Variants in GALNT9 observed in about 807,000 individuals in gnomAD.
GALNT9 encodes polypeptide N-acetylgalactosaminyltransferase 9.
Under a neutral mutation model 63.1 loss-of-function variants are expected in GALNT9, and 47 were observed. The observed-to-expected ratio is 0.75, with a 90% CI of 0.59 to 0.95. GALNT9 has a LOEUF of 0.95. GALNT9 is among the 40% of genes least tolerant of loss of function. The pLI is 0.00. For missense variants in GALNT9, 829 were observed against 874.8 expected, an observed-to-expected ratio of 0.95 and a Z score of 0.66; for synonymous variants, 396 against 365.7, an observed-to-expected ratio of 1.08 and a Z score of -0.94.
Position 132,199,265 on chromosome 12 carries a change from C to T in GALNT9, c.1406G>A (p.Arg469Lys), listed in dbSNP as rs535700131. 9.4e-6 allele frequency: 15 copies of T among 1,601,750 alleles called. No individual in the cohort carries two copies. The South Asian group carries it at 1.6e-4, about 18-fold the overall frequency. ...ACAGTAGGCACTGGCTTTGCTGTTTCTCACCTGCAAGCAGAAGCCCCAGGA... is the reference window on the plus strand; with the variant it reads ...ACAGTAGGCACTGGCTTTGCTGTTTTTCACCTGCAAGCAGAAGCCCCAGGA... ...YNNTLTYGEV[R>K]NSKASAYCLD... Residue 469 changes from arginine (R) to lysine (K), a missense_variant, in exon 9 of 11, where the codon AGA becomes AAA. Transcript: ENST00000328957.
chr12:132,207,620 G>A (rs4077838), intron 6 of GALNT9, among the ~76,000 whole-genome samples: 73,896 of 151,996 alleles, frequency 0.49, 18,743 homozygotes, highest in Non-Finnish European at 0.56. Flanking sequence ...CCGAAGCTAC[G>A]GGAGAGGCGA....
At chr12:132,223,100 TACACAACTCGCACCCCAGACACCCCACAC>T (rs1877531837) in intron 6 of GALNT9, among the ~76,000 whole-genome samples, 1 of 22,206 alleles carries the variant, frequency 4.5e-5, no homozygotes. Context: ...CCCCACACCC[TACACAACTCGCACCCCAGACACCCCACAC>T]ACACCCCACA....
chr12:132,263,862 ACAGTGGTGGACTC>A lies in GALNT9; in HGVS notation c.420-1250_420-1238del, dbSNP rs556123877. Reference sequence around the variant, plus strand: ...GGAGGAAGCTGCTGGCCTCTGGGGGACAGTGGTGGACTCCACCCTTCTTTCTCCCTCCATCACT... The same window carrying A: ...GGAGGAAGCTGCTGGCCTCTGGGGGACACCCTTCTTTCTCCCTCCATCACT... On this transcript the variant is annotated intron_variant, in intron 2 of 10. Transcript: ENST00000328957. Among the ~76,000 whole-genome samples the A allele has an allele frequency of 5.0e-3, 765 of 152,200 alleles. 11 individuals carry two copies. The highest frequency in any genetic ancestry group is 0.018 in the African/African-American group (728 of 41,526).
Position 132,196,775 on chromosome 12 carries a change from G to C in GALNT9, c.*332C>G, listed in dbSNP as rs897346855. 9.2e-7 allele frequency: 1 copy of C among 1,087,556 alleles called. No individual in the cohort carries two copies. Among genetic ancestry groups the C allele is most frequent in the African/African-American group, 1.7e-5 (1 of 60,086 alleles). 67.4% of individuals were successfully genotyped at this position (1,087,556 alleles called of 1,614,324 possible). A position where few individuals can be genotyped will look rare whatever the true frequency, so the allele number is the denominator to read the frequency against. ...TGGTCCGGGGCTTGGCCTCCCTATG[G>C]GGCGTGGGGGGCTGTGGTACATGCA... On this transcript the variant is annotated 3_prime_UTR_variant, in exon 11 of 11. Coordinates refer to ENST00000328957, the MANE Select transcript of GALNT9 (RefSeq NM_001122636.2).
chr12:132,229,881 C>T (rs1208435731), intron 6 of GALNT9, among the ~76,000 whole-genome samples: 3 of 152,228 alleles, frequency 2.0e-5, no homozygotes, highest in Non-Finnish European at 4.4e-5. Flanking sequence ...CCCAAGGTCA[C>T]CGTCCGTCGG....
intron 6 of GALNT9, among the ~76,000 whole-genome samples, chr12:132,241,650 C>A (rs1555237180): frequency 1.1e-5 from 1 of 93,724 alleles, no homozygotes. Context: ...ATACCCATTA[C>A]ACACACGCCA....
chr12:132,321,771 CCACACACCTGTCCCCT>C (rs373006944), intron 1 of GALNT9, among the ~76,000 whole-genome samples: 41 of 152,060 alleles, frequency 2.7e-4, no homozygotes, highest in African/African-American at 3.6e-4. Flanking sequence ...AGGCTCCACC[CCACACACCTGTCCCCT>C]CACACACCTG....
At chr12:132,288,038 A>G (rs1880672763) in intron 1 of GALNT9, among the ~76,000 whole-genome samples, 1 of 152,194 alleles carries the variant, frequency 6.6e-6, no homozygotes, top group Non-Finnish European at 1.5e-5. Context: ...GCCAGTGGAA[A>G]CACAAACTTG....
chr12:132,197,124 T>C lies in GALNT9; in HGVS notation c.1795A>G (p.Lys599Glu). Residue 599 changes from lysine (K) to glutamate (E), a missense_variant, in exon 11 of 11, where the codon AAA becomes GAA. By Grantham distance (56) the Lys-to-Glu change is moderately conservative (BLOSUM62 1). Coordinates refer to ENST00000328957, the MANE Select transcript of GALNT9 (RefSeq NM_001122636.2). ...AGGTGGGGTCAGTGCCGTGCGTGTT[T>C]GATCCAGTTTCTGATCATCCACTTC... ...GQKWMIRNWIKHARH is the reference protein window; with the variant it reads ...GQKWMIRNWIEHARH 6.2e-7 allele frequency: 1 copy of C among 1,614,176 alleles called. No homozygotes were observed. Among genetic ancestry groups the C allele is most frequent in the South Asian group, 1.1e-5 (1 of 91,088 alleles).
intron 1 of GALNT9, among the ~76,000 whole-genome samples, chr12:132,320,381 C>A (rs995554656): frequency 6.6e-6 from 1 of 152,230 alleles, no homozygotes; most frequent in Non-Finnish European, 1.5e-5. Context: ...GACGCCCCCA[C>A]CTCGGATCTT....
chr12:132,247,707 C>G (rs1403917600), intron 6 of GALNT9: 1 of 826,000 alleles, frequency 1.2e-6, no homozygotes, highest in Admixed American at 2.3e-5. Context: ...CACCCCGTCC[C>G]CAGACACCGC....
chr12:132,209,873 C>G (rs945378218), intron 6 of GALNT9, among the ~76,000 whole-genome samples: 1 of 152,204 alleles, frequency 6.6e-6, no homozygotes, highest in Non-Finnish European at 1.5e-5. Flanking sequence ...AATCAACCAG[C>G]AGCCCTGGGG....
intron 4 of GALNT9, among the ~76,000 whole-genome samples, chr12:132,258,514 G>A (rs1555239368): frequency 6.6e-6 from 1 of 152,178 alleles, no homozygotes. Context: ...AAGCAGTCGT[G>A]GATGTTGTAG....
At chr12:132,198,826 A>AT (rs1403534701) in intron 9 of GALNT9, among the ~76,000 whole-genome samples, 2 of 151,850 alleles carry the variant, frequency 1.3e-5, no homozygotes, top group Admixed American at 6.6e-5. Context: ...TAATTTTTGT[A>AT]TTTTTTGTAG....
At chr12:132,270,043 C>T (rs555334864) in intron 2 of GALNT9, among the ~76,000 whole-genome samples, 36 of 152,350 alleles carry the variant, frequency 2.4e-4, no homozygotes, top group African/African-American at 7.9e-4. Flanking sequence ...AAAACTGCTC[C>T]TGAGACTGCT....
chr12:132,203,346 A>G (rs1342061046), intron 7 of GALNT9, among the ~76,000 whole-genome samples, 159 bp downstream of exon 7: 4 of 151,514 alleles, frequency 2.6e-5, no homozygotes, highest in African/African-American at 9.8e-5. Flanking sequence ...TCACCCACTC[A>G]CACCTGCACA....
intron 1 of GALNT9, among the ~76,000 whole-genome samples, chr12:132,312,316 G>A (rs782019883): frequency 2.0e-5 from 3 of 152,238 alleles, no homozygotes; most frequent in Non-Finnish European, 2.9e-5. Context: ...TATCTGGGGA[G>A]AAGGATTTCC....
chr12:132,271,744 G>T (rs1371952807), intron 2 of GALNT9, among the ~76,000 whole-genome samples: 1 of 152,198 alleles, frequency 6.6e-6, no homozygotes, highest in Non-Finnish European at 1.5e-5. Flanking sequence ...GAGGTCCCAA[G>T]TCAACAGGGC....
intron 2 of GALNT9, among the ~76,000 whole-genome samples, chr12:132,268,097 AC>A (rs1251335381): frequency 1.2e-4 from 18 of 144,214 alleles, no homozygotes; most frequent in Admixed American, 4.6e-4. Context: ...ACAAACCCAC[AC>A]GCGCACTCAC....
Sources: allele counts gnomAD v4.1 joint callset (sites outside exome capture counted in the v4.1 genomes callset), GRCh38; gene constraint gnomAD v4.1.1; transcripts MANE v1.5; gene names NCBI Gene and HGNC (gene_info 2026-07-23, HGNC 2026-07-21).